LPP: variants seen among roughly 807,000 people sequenced by gnomAD.
The protein encoded by LPP is lipoma-preferred partner.
A neutral mutation model predicts 60.4 loss-of-function variants in LPP; 38 were observed. That is an observed-to-expected ratio of 0.63 (90% CI 0.49 to 0.83). The LOEUF is 0.83. Among genes scored for constraint, LPP ranks in the 40% least tolerant of loss-of-function variants. The pLI, the probability that LPP is intolerant of heterozygous loss-of-function variation, is 0.00. For synonymous variants in LPP, 328 were observed against 290.8 expected (o/e 1.13, Z -1.30); for missense variants, 902 against 783.6 (o/e 1.15, Z -1.80).
chr3:188,447,185 C>A (rs1164184314), intron 4 of LPP, among the ~76,000 whole-genome samples: 1 of 152,200 alleles, frequency 6.6e-6, no homozygotes, highest in Non-Finnish European at 1.5e-5. Flanking sequence ...AGGGCTTCAA[C>A]TTGAGAGACT....
At chr3:188,732,223 G>T (rs1009093390) in intron 8 of LPP, among the ~76,000 whole-genome samples, 1 of 152,128 alleles carries the variant, frequency 6.6e-6, no homozygotes, top group Non-Finnish European at 1.5e-5. Context: ...AACAATTATG[G>T]TTCCCCCATG....
At chr3:188,466,976 C>A (rs1379510316) in intron 4 of LPP, among the ~76,000 whole-genome samples, 2 of 134,120 alleles carry the variant, frequency 1.5e-5, no homozygotes, top group Non-Finnish European at 3.1e-5. Flanking sequence ...TCTGCACTAA[C>A]ATTTTTCATT....
Position 188,304,423 on chromosome 3 carries a change from G to A in LPP, c.-66-37240G>A, listed in dbSNP as rs191742783. Among the ~76,000 whole-genome samples, 52 of 152,228 alleles carry A rather than the reference G, an allele frequency of 3.4e-4. 1 individual carries two copies. Among genetic ancestry groups the A allele is most frequent in the Middle Eastern group, 6.8e-3 (2 of 294 alleles). On this transcript the variant is annotated intron_variant, in intron 2 of 11. Transcript: ENST00000617246. ...TTTGGCAGAACCAGGAGTATAATGCGAATGTTAAGTTACTAAATTTAGTTT... is the reference window on the plus strand; with the variant it reads ...TTTGGCAGAACCAGGAGTATAATGCAAATGTTAAGTTACTAAATTTAGTTT...
chr3:188,523,066 C>T (rs1450880152), intron 5 of LPP, among the ~76,000 whole-genome samples: 10 of 151,904 alleles, frequency 6.6e-5, no homozygotes, highest in Admixed American at 5.9e-4. Context: ...TGCCACCACA[C>T]CCAGCTAATT....
chr3:188,558,959 T>A (rs907991419), intron 6 of LPP, among the ~76,000 whole-genome samples: 2 of 152,134 alleles, frequency 1.3e-5, no homozygotes, highest in African/African-American at 2.4e-5. Flanking sequence ...AGATCTTGAC[T>A]TTTTTGTATC....
intron 2 of LPP, among the ~76,000 whole-genome samples, chr3:188,263,438 C>T (rs1015274811): frequency 3.3e-5 from 5 of 152,144 alleles, no homozygotes; most frequent in Non-Finnish European, 1.5e-5. Flanking sequence ...TGGAAGAGAG[C>T]GTGGACTCCT....
At chr3:188,783,409 A>G (rs149857470) in intron 9 of LPP, among the ~76,000 whole-genome samples, 113 of 152,338 alleles carry the variant, frequency 7.4e-4, no homozygotes, top group African/African-American at 2.7e-3. Context: ...TTGCAGGAAC[A>G]TGGATGGAGC....
chr3:188,635,857 C>T (rs904131528), intron 7 of LPP, among the ~76,000 whole-genome samples: 1 of 152,184 alleles, frequency 6.6e-6, no homozygotes, highest in Middle Eastern at 3.4e-3. Context: ...TTCCAGTCAC[C>T]GGGCTGATAA....
intron 7 of LPP, among the ~76,000 whole-genome samples, chr3:188,664,274 G>A: frequency 6.6e-6 from 1 of 152,136 alleles, no homozygotes; most frequent in African/African-American, 2.4e-5. Flanking sequence ...ATTTGGCTTA[G>A]CACCCCTCTT....
intron 3 of LPP, among the ~76,000 whole-genome samples, chr3:188,403,573 T>A (rs149219411): frequency 0.037 from 5,684 of 152,248 alleles, 150 homozygotes; most frequent in Non-Finnish European, 0.061. Flanking sequence ...AGCAAACCAG[T>A]CACTTTTATC....
intron 9 of LPP, among the ~76,000 whole-genome samples, chr3:188,797,486 G>A (rs1745730809): frequency 1.3e-5 from 2 of 152,190 alleles, no homozygotes; most frequent in Admixed American, 1.3e-4. Context: ...GAGTTGGAGA[G>A]ATCAAAGCCT....
intron 1 of LPP, among the ~76,000 whole-genome samples, chr3:188,155,377 T>A (rs1715955056): frequency 6.6e-6 from 1 of 152,194 alleles, no homozygotes; most frequent in African/African-American, 2.4e-5. Context: ...TTTTACTAAA[T>A]CTCTTGCCTT....
At chr3:188,800,537 A>C (rs115849769) in intron 9 of LPP, among the ~76,000 whole-genome samples, 1 of 151,696 alleles carries the variant, frequency 6.6e-6, no homozygotes, top group African/African-American at 2.4e-5. Context: ...GAGCCACCAC[A>C]CCCGGCCAAA....
intron 4 of LPP, among the ~76,000 whole-genome samples, chr3:188,408,659 G>C (rs1035762): frequency 6.6e-6 from 1 of 151,704 alleles, no homozygotes; most frequent in Admixed American, 6.6e-5. Flanking sequence ...TATTGCTCCT[G>C]CTTACATTCT....
chr3:188,295,336 A>G (rs1747504531), intron 2 of LPP, among the ~76,000 whole-genome samples: 1 of 152,106 alleles, frequency 6.6e-6, no homozygotes. Context: ...GCTATATTTG[A>G]GTGGATCTGG....
intron 6 of LPP, among the ~76,000 whole-genome samples, chr3:188,580,063 G>A (rs991790819): frequency 1.1e-4 from 17 of 152,014 alleles, no homozygotes; most frequent in Non-Finnish European, 1.9e-4. Context: ...AAACCCCAAT[G>A]TGTTAAGATC....
chr3:188,493,672 G>T (rs1212633384), intron 5 of LPP, among the ~76,000 whole-genome samples: 1 of 151,994 alleles, frequency 6.6e-6, no homozygotes, highest in Non-Finnish European at 1.5e-5. Context: ...TGAACTCCTG[G>T]CCTCAAGCAG....
chr3:188,434,693 A>C (rs1791867871), intron 4 of LPP, among the ~76,000 whole-genome samples: 1 of 152,236 alleles, frequency 6.6e-6, no homozygotes, highest in African/African-American at 2.4e-5. Flanking sequence ...GAAAAGTGCC[A>C]CAGTGTGTTC....
intron 7 of LPP, among the ~76,000 whole-genome samples, chr3:188,643,605 T>A (rs1260271956): frequency 6.6e-6 from 1 of 152,164 alleles, no homozygotes; most frequent in Non-Finnish European, 1.5e-5. Context: ...ATAGAGTATA[T>A]GCAACCCAGG....
Sources: allele counts gnomAD v4.1 joint callset (sites outside exome capture counted in the v4.1 genomes callset), GRCh38; gene constraint gnomAD v4.1.1; transcripts MANE v1.5; gene names NCBI Gene and HGNC (gene_info 2026-07-23, HGNC 2026-07-21).